Variants in TNR observed in about 807,000 individuals in gnomAD.
TNR encodes tenascin R.
TNR carries 45 observed loss-of-function variants against 150.4 expected under a neutral mutation model. That is an observed-to-expected ratio of 0.30 (90% CI 0.24 to 0.38). TNR has a LOEUF of 0.38. Ranked by LOEUF, TNR falls within the 10% of genes least tolerant of loss-of-function variation. The probability of loss-of-function intolerance (pLI) is 1.00; values close to 1 mark genes in which losing one functional copy is unlikely to be tolerated. For synonymous variants in TNR, 687 were observed against 678.4 expected (o/e 1.01, Z -0.20); for missense variants, 1,544 against 1,759.1 (o/e 0.88, Z 2.19).
rs1648849532 is a variant in TNR at position 175,316,597 on chromosome 1, C to T, written c.*6760G>A. The stretch of plus-strand genomic sequence containing the variant: ...CATGTTTATTCTGTGGCTTCTCCTT[C>T]CTCAATCCTGGCTACACTGCCTGCT... On this transcript the variant is annotated 3_prime_UTR_variant, in exon 23 of 23. Coordinates refer to ENST00000367674, the MANE Select transcript of TNR (RefSeq NM_003285.3). 1 of 152,020 alleles carries T rather than the reference C, an allele frequency of 6.6e-6. No homozygotes were observed. Among genetic ancestry groups the T allele is most frequent in the South Asian group, 2.1e-4 (1 of 4,810 alleles). The allele number at this position is 152,020 out of a possible 1,614,324, so 9.4% of individuals were successfully genotyped here. A position where few individuals can be genotyped will look rare whatever the true frequency, so the allele number is the denominator to read the frequency against.
intron 1 of TNR, among the ~76,000 whole-genome samples, chr1:175,548,480 A>G (rs996206695): frequency 1.3e-5 from 2 of 152,168 alleles, no homozygotes; most frequent in South Asian, 2.1e-4. Context: ...CCAGCATCAG[A>G]AAGATTCCAA....
At chr1:175,504,891 G>A (rs1037532098) in intron 2 of TNR, among the ~76,000 whole-genome samples, 1 of 152,178 alleles carries the variant, frequency 6.6e-6, no homozygotes, top group Non-Finnish European at 1.5e-5. Flanking sequence ...AGAAGAAGAA[G>A]AAATTTGGAC....
intron 1 of TNR, among the ~76,000 whole-genome samples, chr1:175,665,134 A>G (rs1665498467): frequency 6.6e-6 from 1 of 152,238 alleles, no homozygotes; most frequent in African/African-American, 2.4e-5. Flanking sequence ...TTTGAAATGA[A>G]GAAATAACTA....
intron 2 of TNR, among the ~76,000 whole-genome samples, chr1:175,504,031 G>A (rs1402471317): frequency 6.6e-6 from 1 of 152,200 alleles, no homozygotes; most frequent in African/African-American, 2.4e-5. Context: ...CTGCACCGCG[G>A]GGTGTACGAA....
At chr1:175,416,925 G>A (rs1252105163) in intron 2 of TNR, among the ~76,000 whole-genome samples, 2 of 151,862 alleles carry the variant, frequency 1.3e-5, no homozygotes, top group African/African-American at 2.4e-5. Context: ...GGAGAATGGC[G>A]TGAACCCGGG....
chr1:175,390,244 T>C (rs1653110268), intron 7 of TNR, among the ~76,000 whole-genome samples: 3 of 152,240 alleles, frequency 2.0e-5, no homozygotes. Flanking sequence ...TCTCATTACA[T>C]TGTGTTGTGG....
chr1:175,405,545 A>G (rs1034866481), intron 3 of TNR, among the ~76,000 whole-genome samples: 7 of 151,980 alleles, frequency 4.6e-5, no homozygotes, highest in Non-Finnish European at 1.0e-4. Context: ...AGGGTGCACT[A>G]AGTTGTGTGA....
chr1:175,562,195 TCTCA>T (rs1661457156), intron 1 of TNR, among the ~76,000 whole-genome samples: 1 of 152,224 alleles, frequency 6.6e-6, no homozygotes, highest in African/African-American at 2.4e-5. Context: ...ATATTTATTT[TCTCA>T]CTATCTAAAT....
intron 1 of TNR, among the ~76,000 whole-genome samples, chr1:175,617,477 G>C (rs563319040): frequency 6.6e-6 from 1 of 152,290 alleles, no homozygotes; most frequent in Non-Finnish European, 1.5e-5. Flanking sequence ...GTGACAATGC[G>C]ATCCCTCTGC....
chr1:175,348,700 G>A (rs1006943802), intron 18 of TNR, among the ~76,000 whole-genome samples: 8 of 152,128 alleles, frequency 5.3e-5, no homozygotes, highest in Non-Finnish European at 1.0e-4. Flanking sequence ...AATAAATGAT[G>A]TTAGGAGAAC....
intron 1 of TNR, among the ~76,000 whole-genome samples, chr1:175,543,008 T>C (rs1660562431): frequency 6.6e-6 from 1 of 152,192 alleles, no homozygotes; most frequent in African/African-American, 2.4e-5. Context: ...GTCACAGTGC[T>C]CAGAAGGGCC....
At chr1:175,555,766 C>T (rs370041019) in intron 1 of TNR, among the ~76,000 whole-genome samples, 16 of 152,254 alleles carry the variant, frequency 1.1e-4, no homozygotes, top group South Asian at 4.1e-4. Context: ...AAACAAGAAG[C>T]GTAAAACCAT....
At chr1:175,650,879 CCCCACCTCATTACTACCCCTCT>C (rs1664954920) in intron 1 of TNR, among the ~76,000 whole-genome samples, 1 of 140,040 alleles carries the variant, frequency 7.1e-6, no homozygotes, top group Non-Finnish European at 1.6e-5. Context: ...TCCTCCTCCT[CCCCACCTCATTACTACCCCTCT>C]CCCACCTCAT....
intron 21 of TNR, among the ~76,000 whole-genome samples, chr1:175,325,233 G>T (rs917526680): frequency 6.6e-6 from 1 of 152,188 alleles, no homozygotes; most frequent in African/African-American, 2.4e-5. Flanking sequence ...AGGTGGAGAT[G>T]AAGACATTTA....
intron 1 of TNR, among the ~76,000 whole-genome samples, chr1:175,538,359 G>T (rs938179020): frequency 4.6e-5 from 7 of 152,214 alleles, no homozygotes; most frequent in Non-Finnish European, 7.3e-5. Flanking sequence ...GAAAAAAAAG[G>T]TTGAAGATAT....
intron 15 of TNR, among the ~76,000 whole-genome samples, chr1:175,358,457 T>C (rs1021461868): frequency 6.6e-6 from 1 of 152,226 alleles, no homozygotes; most frequent in South Asian, 2.1e-4. Context: ...ACTAATTCCT[T>C]TTCCAAGTTG....
intron 1 of TNR, among the ~76,000 whole-genome samples, chr1:175,643,142 CAGA>C (rs1003287824): frequency 6.6e-6 from 1 of 152,086 alleles, no homozygotes; most frequent in African/African-American, 2.4e-5. Context: ...TGAGGGAACC[CAGA>C]AGGAGAAGCA....
chr1:175,638,233 AC>A (rs1213988446), intron 1 of TNR, among the ~76,000 whole-genome samples: 2 of 152,240 alleles, frequency 1.3e-5, no homozygotes, highest in African/African-American at 4.8e-5. Context: ...GAGATGCCTT[AC>A]AACTCTGCTC....
At chr1:175,575,875 G>A (rs1362079410) in intron 1 of TNR, among the ~76,000 whole-genome samples, 2 of 152,200 alleles carry the variant, frequency 1.3e-5, no homozygotes, top group Non-Finnish European at 2.9e-5. Context: ...GCTGGAGCCT[G>A]CAGATGCCAG....
Sources: allele counts gnomAD v4.1 joint callset (sites outside exome capture counted in the v4.1 genomes callset), GRCh38; gene constraint gnomAD v4.1.1; transcripts MANE v1.5; gene names NCBI Gene and HGNC (gene_info 2026-07-23, HGNC 2026-07-21).